ZNF705G: variants seen among roughly 807,000 people sequenced by gnomAD.
ZNF705G encodes the protein zinc finger protein 705G.
ZNF705G carries 23 observed loss-of-function variants against 19.6 expected under a neutral mutation model. That is an observed-to-expected ratio of 1.17 (90% CI 0.84 to 1.66). The LOEUF (loss-of-function observed/expected upper bound fraction) is 1.66, where lower values mean the gene tolerates loss of function less well. ZNF705G is among the 40% of genes most tolerant of loss of function. The pLI, the probability that ZNF705G is intolerant of heterozygous loss-of-function variation, is 0.00. For missense variants in ZNF705G, 457 were observed against 354.4 expected, an observed-to-expected ratio of 1.29 and a Z score of -2.32; for synonymous variants, 146 against 117.7, an observed-to-expected ratio of 1.24 and a Z score of -1.56.
At chr8:7,379,645 G>A (rs1807401398) in intron 2 of ZNF705G, among the ~76,000 whole-genome samples, 1 of 147,198 alleles carries the variant, frequency 6.8e-6, no homozygotes, top group Admixed American at 6.6e-5. Flanking sequence ...GCCAGGACAG[G>A]CTCTCCAGTG....
At position 7,358,071 on chromosome 8, in the gene ZNF705G, C is replaced by T. The variant is rs761397767; in HGVS notation, c.808G>A (p.Gly270Ser). The T allele has an allele frequency of 1.9e-6, 3 of 1,608,212 alleles. No individual in the cohort carries two copies. Among genetic ancestry groups the T allele is most frequent in the South Asian group, 2.2e-5 (2 of 90,744 alleles). Residue 270 changes from glycine (G) to serine (S), a missense_variant, in exon 7 of 7, where the codon GGC becomes AGC. Transcript: ENST00000400156. ...KSGKAFSQSS[G>S]FRGNKIIHTG... ...TGAATTATTTTGTTTCCTCTAAAGC[C>T]AGAGCTTTGACTAAAGGCTTTCCCA... is the stretch of plus-strand genomic sequence containing the variant.
At chr8:7,372,236 AT>A (rs1160029775) in intron 2 of ZNF705G, among the ~76,000 whole-genome samples, 7 of 150,566 alleles carry the variant, frequency 4.6e-5, no homozygotes, top group South Asian at 2.1e-4. Flanking sequence ...TACTTGACCA[AT>A]TTAAAAAAAA....
At chr8:7,366,675 T>C (rs1806871492) in intron 2 of ZNF705G, among the ~76,000 whole-genome samples, 1 of 149,742 alleles carries the variant, frequency 6.7e-6, no homozygotes, top group Non-Finnish European at 1.5e-5. Context: ...TTTTAAAAAA[T>C]AATCTAAGTA....
At chr8:7,385,392 A>G (rs1380107388) in intron 1 of ZNF705G, 106 bp downstream of exon 1, 6 of 148,688 alleles carry the variant, frequency 4.0e-5, no homozygotes, top group Non-Finnish European at 7.4e-5. Flanking sequence ...TGGAGGCTGA[A>G]ATCTGTTGTC....
intron 2 of ZNF705G, among the ~76,000 whole-genome samples, chr8:7,377,108 AAT>A (rs1348443626): frequency 8.6e-6 from 1 of 116,030 alleles, no homozygotes; most frequent in Admixed American, 9.0e-5. Context: ...AGGTGCACCC[AAT>A]ATTCTCAGAT....
chr8:7,362,796 A>T, intron 3 of ZNF705G, 139 bp downstream of exon 3: 1 of 1,570,928 alleles, frequency 6.4e-7, no homozygotes. Context: ...TGGAACACCC[A>T]GGCAGGGTGG....
At position 7,360,064 on chromosome 8, in the gene ZNF705G, G is replaced by A. The variant is rs1382033097; in HGVS notation, c.235+173C>T. Among the ~76,000 whole-genome samples the A allele has an allele frequency of 8.0e-5, 12 of 149,552 alleles. 1 individual carries two copies. Among genetic ancestry groups the A allele is most frequent in the African/African-American group, 1.5e-4 (6 of 39,032 alleles). On this transcript the variant is annotated intron_variant, in intron 5 of 6. Coordinates refer to ENST00000400156, the MANE Select transcript of ZNF705G (RefSeq NM_001164457.3). ...AGAAAAAAAAGAGGACACAAGAGTA[G>A]CATCTGACACATGAACAAAATGATA...
chr8:7,358,121 T>C lies in ZNF705G; in HGVS notation c.758A>G (p.Lys253Arg), dbSNP rs1467912458. Reference sequence around the variant, plus strand: ...ACTTTTATCACATTCATAACACTTTTTTCCAAGGTGAGTTCTCTCATGTCT... The same window carrying C: ...ACTTTTATCACATTCATAACACTTTCTTCCAAGGTGAGTTCTCTCATGTCT... Reference protein sequence around the residue: ...LQRHERTHLGKKCYECDKSGK... With the variant: ...LQRHERTHLGRKCYECDKSGK... The change falls in exon 7 of 7, where the codon AAA (lysine) becomes AGA (arginine). Residue 253 changes from lysine (K) to arginine (R), a missense_variant. Lys to Arg is a conservative substitution (Grantham distance 26). Coordinates refer to ENST00000400156, the MANE Select transcript of ZNF705G (RefSeq NM_001164457.3). 1.2e-6 allele frequency: 2 copies of C among 1,607,634 alleles called. No individual in the cohort carries two copies. Among genetic ancestry groups the C allele is most frequent in the South Asian group, 2.2e-5 (2 of 90,724 alleles).
Position 7,359,877 on chromosome 8 carries a change from T to G in ZNF705G, c.236-176A>C, listed in dbSNP as rs544051638. 3.0e-3 allele frequency among the ~76,000 whole-genome samples: 444 copies of G among 149,558 alleles called. 12 individuals carry two copies. The East Asian group carries it at 0.047, about 16-fold the overall frequency. ...TTGTACAGTGTCAGCAATTAGAAAA[T>G]ATTTTTAAAATTAAAATGTGAAAAG... On this transcript the variant is annotated intron_variant, in intron 5 of 6. Coordinates refer to ENST00000400156, the MANE Select transcript of ZNF705G (RefSeq NM_001164457.3).
intron 2 of ZNF705G, among the ~76,000 whole-genome samples, chr8:7,365,701 C>G (rs1473286577): frequency 1.3e-5 from 2 of 149,446 alleles, no homozygotes; most frequent in East Asian, 3.9e-4. Flanking sequence ...AGGAAGGAAC[C>G]ATTCTGCATC....
intron 2 of ZNF705G, among the ~76,000 whole-genome samples, chr8:7,369,890 G>T (rs866885619): frequency 2.0e-5 from 3 of 149,196 alleles, no homozygotes; most frequent in Middle Eastern, 3.4e-3. Context: ...CTACTAGAGG[G>T]GGAAGGGAAG....
At chr8:7,363,106 T>C (rs1183493899) in intron 2 of ZNF705G, 89 bp from the exon 3 acceptor site, 1 of 1,517,908 alleles carries the variant, frequency 6.6e-7, no homozygotes, top group Non-Finnish European at 8.9e-7. Flanking sequence ...TTCACTGAAG[T>C]GTGACACCAG....
chr8:7,366,159 A>G (rs1806846519), intron 2 of ZNF705G, among the ~76,000 whole-genome samples: 2 of 147,246 alleles, frequency 1.4e-5, no homozygotes, highest in Non-Finnish European at 1.5e-5. Context: ...TAAATGGAAA[A>G]TCCTATTATC....
In ZNF705G at chr8:7,360,773, T is replaced by C. The variant is rs1362672824; in HGVS notation, c.139+337A>G. ...AATTGGTCTCAGCCTAAGCATAGAC[T>C]AAAGCAGAAGAGTTATTTAGAAAAT... On this transcript the variant is annotated intron_variant, in intron 4 of 6. Coordinates refer to ENST00000400156, the MANE Select transcript of ZNF705G (RefSeq NM_001164457.3). Among the ~76,000 whole-genome samples, 12 of 149,538 alleles carry C rather than the reference T, an allele frequency of 8.0e-5. 1 individual carries two copies. The highest frequency in any genetic ancestry group is 3.1e-4 in the African/African-American group (12 of 38,960).
rs576247691 is a variant in ZNF705G at position 7,357,853 on chromosome 8, G to A, written c.*123C>T. The stretch of plus-strand genomic sequence containing the variant: ...ATCTAAAGTCAGAATATGTTCTGAA[G>A]AAGTTTATAATTTTCTCTCCAGGGT... On this transcript the variant is annotated 3_prime_UTR_variant, in exon 7 of 7. Coordinates refer to ENST00000400156, the MANE Select transcript of ZNF705G (RefSeq NM_001164457.3). 2.3e-4 allele frequency: 330 copies of A among 1,449,112 alleles called. 6 individuals carry two copies. In the South Asian group the frequency reaches 4.2e-3, roughly 19 times the overall value. 89.8% of individuals were successfully genotyped at this position (1,449,112 alleles called of 1,614,324 possible). A position where few individuals can be genotyped will look rare whatever the true frequency, so the allele number is the denominator to read the frequency against.
chr8:7,380,671 C>T (rs1807449057), intron 2 of ZNF705G, among the ~76,000 whole-genome samples: 2 of 146,192 alleles, frequency 1.4e-5, no homozygotes, highest in South Asian at 2.1e-4. Flanking sequence ...GCTGATGCTA[C>T]ACATGCCTCC....
chr8:7,377,218 CAG>C (rs1175383791), intron 2 of ZNF705G: 4 of 28,968 alleles, frequency 1.4e-4, no homozygotes, highest in South Asian at 1.0e-3. Context: ...CACACACACA[CAG>C]ACACACACAC....
chr8:7,358,616 C>T (rs1193693874), intron 6 of ZNF705G, 56 bp from the exon 7 acceptor site: 3 of 1,599,812 alleles, frequency 1.9e-6, no homozygotes, highest in Non-Finnish European at 2.6e-6. Context: ...TCTATACATT[C>T]ATTTCACTAC....
chr8:7,365,072 C>CA (rs1279615145), intron 2 of ZNF705G, among the ~76,000 whole-genome samples: 3 of 149,136 alleles, frequency 2.0e-5, no homozygotes, highest in African/African-American at 5.2e-5. Context: ...GTGCCAGGGA[C>CA]AAAGAAAGGA....
Sources: gnomAD v4.1 joint callset for allele counts (sites outside exome capture counted in the v4.1 genomes callset) on GRCh38, gnomAD v4.1.1 for gene constraint, MANE v1.5 for transcripts, NCBI Gene and HGNC (gene_info 2026-07-23, HGNC 2026-07-21) for gene names.